The following TLK2 variants were observed in gnomAD, a reference collection of about 807,000 sequenced individuals.
TLK2 encodes the protein tousled like kinase 2, also known as serine/threonine-protein kinase tousled-like 2.
TLK2 carries 6 observed loss-of-function variants against 117.3 expected under a neutral mutation model. The observed-to-expected ratio is 0.05, with a 90% CI of 0.03 to 0.10. TLK2 has a LOEUF of 0.10. TLK2 is among the 10% of genes least tolerant of loss of function. The pLI is 1.00. For missense variants in TLK2, 299 were observed against 901.2 expected (o/e 0.33, Z 8.56); for synonymous variants, 257 against 316.7 (o/e 0.81, Z 2.00).
intron 20 of TLK2, among the ~76,000 whole-genome samples, chr17:62,607,053 G>C (rs963641528): frequency 1.5e-5 from 2 of 136,992 alleles, no homozygotes; most frequent in Non-Finnish European, 3.1e-5. Flanking sequence ...TCTAAAACAG[G>C]GAAACTATTC....
At chr17:62,509,762 T>C (rs1314213289) in intron 2 of TLK2, among the ~76,000 whole-genome samples, 1 of 152,192 alleles carries the variant, frequency 6.6e-6, no homozygotes, top group African/African-American at 2.4e-5. Flanking sequence ...TAACCTTGTC[T>C]GTTTTTACAC....
chr17:62,574,785 G>A (rs1315860978), intron 12 of TLK2, among the ~76,000 whole-genome samples: 1 of 152,068 alleles, frequency 6.6e-6, no homozygotes, highest in Non-Finnish European at 1.5e-5. Flanking sequence ...CAAAGTGCTG[G>A]GATTACAGGT....
chr17:62,508,370 A>C (rs978982049), intron 2 of TLK2: 1 of 845,184 alleles, frequency 1.2e-6, no homozygotes, highest in Non-Finnish European at 1.4e-6. Flanking sequence ...CATTTAATGT[A>C]CAAGAGTATG....
chr17:62,596,075 A>G (rs769394740), intron 16 of TLK2, among the ~76,000 whole-genome samples: 9 of 151,928 alleles, frequency 5.9e-5, no homozygotes, highest in Non-Finnish European at 8.8e-5. Context: ...AGCACCTGTT[A>G]TTTTATTTTA....
At chr17:62,478,458 A>C (rs567597137), upstream of TLK2, among the ~76,000 whole-genome samples, 1 of 150,140 alleles carries the variant, frequency 6.7e-6, no homozygotes, top group Admixed American at 6.6e-5. Context: ...CCGGCGACAC[A>C]AAGGCGGCGG....
At chr17:62,568,226 G>C (rs1435036144) in intron 11 of TLK2, among the ~76,000 whole-genome samples, 1 of 152,046 alleles carries the variant, frequency 6.6e-6, no homozygotes, top group Non-Finnish European at 1.5e-5. Context: ...GAGGCCAGGA[G>C]TTTGAGACCA....
At chr17:62,540,057 T>A (rs1598451369) in intron 7 of TLK2, among the ~76,000 whole-genome samples, 1 of 150,568 alleles carries the variant, frequency 6.6e-6, no homozygotes, top group African/African-American at 2.4e-5. Context: ...CCTCTTCCTC[T>A]TCTTCTTTCT....
At chr17:62,603,970 CTTTATTTATTTATTTA>C (rs66748805) in intron 19 of TLK2, among the ~76,000 whole-genome samples, 16,321 of 141,472 alleles carry the variant, frequency 0.12, 1,714 homozygotes, top group African/African-American at 0.28. Flanking sequence ...ACATTGAATA[CTTTATTTATTTATTTA>C]TTTATTTATT....
chr17:62,595,962 A>G (rs986517400), intron 16 of TLK2, among the ~76,000 whole-genome samples: 5 of 152,202 alleles, frequency 3.3e-5, no homozygotes, highest in African/African-American at 1.2e-4. Context: ...GTTATTTTAA[A>G]ATCTATGATA....
At chr17:62,556,074 C>G (rs1299152424) in intron 9 of TLK2, among the ~76,000 whole-genome samples, 1 of 152,158 alleles carries the variant, frequency 6.6e-6, no homozygotes, top group African/African-American at 2.4e-5. Flanking sequence ...CCCACAATGC[C>G]TGGCTAATTT....
intron 2 of TLK2, among the ~76,000 whole-genome samples, chr17:62,511,423 T>A (rs1171617283): frequency 1.3e-5 from 2 of 152,228 alleles, no homozygotes; most frequent in Non-Finnish European, 2.9e-5. Context: ...CAGGCTGGAA[T>A]GCAGTGGTGC....
rs146801255 is a variant in TLK2, at chr17:62,553,358, G to A, written c.628-305G>A. ...CCTGTGAGATCCTTTTCTATTCAAA[G>A]TTAGTTTCATTTCTGGAGTAACGTG... On this transcript the variant is annotated intron_variant, in intron 8 of 21. Transcript: ENST00000346027. 1,777 of 238,458 alleles carry A rather than the reference G, an allele frequency of 7.5e-3. 36 individuals carry two copies. The highest frequency in any genetic ancestry group is 0.038 in the African/African-American group (1,656 of 43,174). 14.8% of individuals were successfully genotyped at this position (238,458 alleles called of 1,614,324 possible).
At chr17:62,582,078 C>G (rs2081262056) in intron 15 of TLK2, among the ~76,000 whole-genome samples, 1 of 152,062 alleles carries the variant, frequency 6.6e-6, no homozygotes, top group Non-Finnish European at 1.5e-5. Flanking sequence ...AAGACCATGC[C>G]TCTACAAAGA....
intron 2 of TLK2, among the ~76,000 whole-genome samples, chr17:62,497,147 G>A (rs2073782662): frequency 1.3e-5 from 2 of 151,738 alleles, no homozygotes; most frequent in South Asian, 4.2e-4. Context: ...AGTCCCATCT[G>A]CATCTGTCCG....
intron 16 of TLK2, among the ~76,000 whole-genome samples, chr17:62,589,911 A>AT (rs1300812507): frequency 1.3e-5 from 2 of 151,718 alleles, no homozygotes; most frequent in African/African-American, 4.8e-5. Context: ...GGTTCACGCC[A>AT]TTCTCCTGCC....
At position 62,562,436 on chromosome 17, in the gene TLK2, T is replaced by A. The variant is rs188105686; in HGVS notation, c.831+2310T>A. ...TCATAGAATTTGAATACTTTAAAAA[T>A]TTTAAAACTCTTATAACTTAATCAT... On this transcript the variant is annotated intron_variant, in intron 10 of 21. Coordinates refer to ENST00000346027, the MANE Select transcript of TLK2 (RefSeq NM_006852.6). Among the ~76,000 whole-genome samples, 798 of 152,296 alleles carry A rather than the reference T, an allele frequency of 5.2e-3. 5 individuals carry two copies. Among genetic ancestry groups the A allele is most frequent in the African/African-American group, 0.018 (759 of 41,560 alleles).
At chr17:62,476,933 A>G (rs1223233184), upstream of TLK2, among the ~76,000 whole-genome samples, 1 of 151,896 alleles carries the variant, frequency 6.6e-6, no homozygotes, top group African/African-American at 2.4e-5. Context: ...AAAGAAAAAA[A>G]AAAAAAATTA....
At chr17:62,482,607 G>A (rs1243707569) in intron 2 of TLK2, among the ~76,000 whole-genome samples, 16 of 151,750 alleles carry the variant, frequency 1.1e-4, no homozygotes, top group Admixed American at 9.2e-4. Flanking sequence ...GCACCACCAT[G>A]CCTGGTTAAT....
At chr17:62,553,238 T>G (rs2032737) in intron 8 of TLK2, among the ~76,000 whole-genome samples, 2 of 151,914 alleles carry the variant, frequency 1.3e-5, no homozygotes, top group Non-Finnish European at 2.9e-5. Flanking sequence ...AGTTAGATAG[T>G]TGAGCACTCA....
Sources: allele counts gnomAD v4.1 joint callset (sites outside exome capture counted in the v4.1 genomes callset), GRCh38; gene constraint gnomAD v4.1.1; transcripts MANE v1.5; gene names NCBI Gene and HGNC (gene_info 2026-07-23, HGNC 2026-07-21).